GALNTL6: variants seen among roughly 807,000 people sequenced by gnomAD.
The protein encoded by GALNTL6 is polypeptide N-acetylgalactosaminyltransferase like 6, also known as polypeptide N-acetylgalactosaminyltransferase-like 6.
In GALNTL6, 46 loss-of-function variants were observed where a neutral mutation model predicts 73.7. The observed-to-expected ratio is 0.62, with a 90% confidence interval of 0.49 to 0.80. The LOEUF is 0.80. GALNTL6 is among the 30% of genes least tolerant of loss of function. The probability of loss-of-function intolerance (pLI) is 0.00; values close to 1 mark genes in which losing one functional copy is unlikely to be tolerated. For missense variants in GALNTL6, 604 were observed against 755.0 expected, an observed-to-expected ratio of 0.80 and a Z score of 2.34; for synonymous variants, 259 against 263.7, an observed-to-expected ratio of 0.98 and a Z score of 0.17.
chr4:172,468,966 A>C (rs1732939180), intron 5 of GALNTL6, among the ~76,000 whole-genome samples: 1 of 152,192 alleles, frequency 6.6e-6, no homozygotes, highest in Admixed American at 6.5e-5. Flanking sequence ...AAAAAGCTTA[A>C]GAAATTATTA....
chr4:172,603,070 A>T (rs1442328438), intron 5 of GALNTL6, among the ~76,000 whole-genome samples: 1 of 152,194 alleles, frequency 6.6e-6, no homozygotes, highest in African/African-American at 2.4e-5. Context: ...AGTGTCAGGA[A>T]TGTTGAACCA....
intron 5 of GALNTL6, among the ~76,000 whole-genome samples, chr4:172,593,783 G>A (rs1258004021): frequency 6.6e-6 from 1 of 151,916 alleles, no homozygotes; most frequent in Non-Finnish European, 1.5e-5. Flanking sequence ...AGGCTGGAGT[G>A]TAATAGTGTG....
chr4:172,177,881 TGAA>T (rs1735098907), intron 2 of GALNTL6, among the ~76,000 whole-genome samples: 1 of 58,550 alleles, frequency 1.7e-5, no homozygotes, highest in South Asian at 6.4e-4. Flanking sequence ...ATGCTAATCG[TGAA>T]GAAATGTTAC....
intron 5 of GALNTL6, among the ~76,000 whole-genome samples, chr4:172,435,706 T>C (rs970221445): frequency 2.6e-5 from 4 of 152,166 alleles, no homozygotes; most frequent in African/African-American, 9.7e-5. Flanking sequence ...TAAATTATAT[T>C]AGTTATTGTA....
chr4:172,065,452 C>A (rs1018908616), intron 2 of GALNTL6, among the ~76,000 whole-genome samples: 1 of 152,052 alleles, frequency 6.6e-6, no homozygotes, highest in African/African-American at 2.4e-5. Context: ...CTGTATTACT[C>A]CAACCTGAAA....
At chr4:172,888,013 C>A (rs1036885836) in intron 8 of GALNTL6, among the ~76,000 whole-genome samples, 2 of 152,064 alleles carry the variant, frequency 1.3e-5, no homozygotes, top group African/African-American at 2.4e-5. Context: ...TGAGATGAGT[C>A]CTTTGCCCAC....
intron 9 of GALNTL6, among the ~76,000 whole-genome samples, chr4:172,942,611 C>T (rs1038661739): frequency 2.6e-5 from 4 of 152,130 alleles, no homozygotes; most frequent in Non-Finnish European, 4.4e-5. Flanking sequence ...AAGCCTCCAT[C>T]GCATATGCTT....
chr4:172,318,994 A>G (rs1161938677), intron 4 of GALNTL6, among the ~76,000 whole-genome samples: 1 of 152,128 alleles, frequency 6.6e-6, no homozygotes, highest in Non-Finnish European at 1.5e-5. Context: ...AATTTGATGT[A>G]ATCATATACG....
At chr4:172,844,774 T>G (rs962494478) in intron 7 of GALNTL6, among the ~76,000 whole-genome samples, 3 of 152,178 alleles carry the variant, frequency 2.0e-5, no homozygotes, top group African/African-American at 7.2e-5. Context: ...AAGCATTGCA[T>G]AAGCAGCTCA....
At chr4:172,745,791 A>G (rs1682346394) in intron 5 of GALNTL6, among the ~76,000 whole-genome samples, 1 of 152,166 alleles carries the variant, frequency 6.6e-6, no homozygotes, top group African/African-American at 2.4e-5. Flanking sequence ...TTGAATAACC[A>G]TACTTTTCAG....
At chr4:172,453,917 G>A (rs566947036) in intron 5 of GALNTL6, among the ~76,000 whole-genome samples, 16 of 152,152 alleles carry the variant, frequency 1.1e-4, no homozygotes, top group African/African-American at 3.4e-4. Context: ...TGCCCCATTC[G>A]TAAAATAAAT....
intron 2 of GALNTL6, among the ~76,000 whole-genome samples, chr4:171,856,836 G>A (rs1157723705): frequency 1.3e-5 from 2 of 152,066 alleles, no homozygotes; most frequent in Non-Finnish European, 2.9e-5. Flanking sequence ...AATTATTGTA[G>A]ATTTATAGTA....
chr4:172,544,092 A>G (rs1735669355), intron 5 of GALNTL6, among the ~76,000 whole-genome samples: 1 of 152,172 alleles, frequency 6.6e-6, no homozygotes. Flanking sequence ...CTGCTTCCAC[A>G]GTTGCCAGTT....
intron 3 of GALNTL6, among the ~76,000 whole-genome samples, chr4:172,247,385 C>G (rs1737698890): frequency 6.6e-6 from 1 of 152,174 alleles, no homozygotes; most frequent in Non-Finnish European, 1.5e-5. Flanking sequence ...GAATGCCTCT[C>G]TCCTCTACCT....
chr4:172,457,068 A>C (rs1475548144), intron 5 of GALNTL6, among the ~76,000 whole-genome samples: 1 of 152,180 alleles, frequency 6.6e-6, no homozygotes, highest in African/African-American at 2.4e-5. Flanking sequence ...AAAGAGAAGA[A>C]TTTTCAACCC....
chr4:172,815,470 G>A (rs555960291), intron 7 of GALNTL6, among the ~76,000 whole-genome samples: 17 of 152,124 alleles, frequency 1.1e-4, no homozygotes, highest in Non-Finnish European at 1.8e-4. Context: ...AACTCACCCA[G>A]GCTGGCTTTC....
intron 5 of GALNTL6, among the ~76,000 whole-genome samples, chr4:172,490,830 G>T (rs1733869459): frequency 6.6e-6 from 1 of 152,134 alleles, no homozygotes; most frequent in African/African-American, 2.4e-5. Context: ...GAAAGAGTCA[G>T]ATTGTACCGC....
chr4:171,967,847 C>T (rs748706163), intron 2 of GALNTL6, among the ~76,000 whole-genome samples: 6 of 151,872 alleles, frequency 4.0e-5, no homozygotes, highest in Non-Finnish European at 5.9e-5. Flanking sequence ...ATTTTTTTCC[C>T]GGCTTCTCAT....
At chr4:172,958,911 G>A (rs1191360720) in intron 10 of GALNTL6, among the ~76,000 whole-genome samples, 2 of 152,172 alleles carry the variant, frequency 1.3e-5, no homozygotes, top group East Asian at 1.9e-4. Context: ...GAGAGCATAT[G>A]GGGTTGGCAC....
Sources: gnomAD v4.1 joint callset for allele counts (sites outside exome capture counted in the v4.1 genomes callset) on GRCh38, gnomAD v4.1.1 for gene constraint, MANE v1.5 for transcripts, NCBI Gene and HGNC (gene_info 2026-07-23, HGNC 2026-07-21) for gene names.